MCTP1: variants seen among roughly 807,000 people sequenced by gnomAD.
MCTP1 encodes the protein multiple C2 and transmembrane domain containing 1.
A neutral mutation model predicts 120.6 loss-of-function variants in MCTP1; 69 were observed. The ratio of observed to expected loss-of-function variants is 0.57; its 90% confidence interval spans 0.47 to 0.70. The LOEUF is 0.70. Among genes scored for constraint, MCTP1 ranks in the 30% least tolerant of loss-of-function variants. The pLI is 0.00. For synonymous variants in MCTP1, 529 were observed against 493.1 expected (o/e 1.07, Z -0.96); for missense variants, 1,203 against 1,248.8 (o/e 0.96, Z 0.55).
At chr5:94,891,451 G>T (rs1405308252) in intron 11 of MCTP1, among the ~76,000 whole-genome samples, 1 of 152,140 alleles carries the variant, frequency 6.6e-6, no homozygotes, top group Admixed American at 6.6e-5. Context: ...TAATGATGGG[G>T]AATAGTTTTA....
intron 11 of MCTP1, among the ~76,000 whole-genome samples, chr5:94,889,311 G>A (rs1044612356): frequency 1.3e-5 from 2 of 152,024 alleles, no homozygotes; most frequent in Non-Finnish European, 2.9e-5. Context: ...AATTCAGGCC[G>A]GGAGCAGTGG....
intron 19 of MCTP1, among the ~76,000 whole-genome samples, chr5:94,754,958 T>C (rs1769409332): frequency 6.6e-6 from 1 of 152,188 alleles, no homozygotes; most frequent in Admixed American, 6.5e-5. Context: ...CAACTCATTC[T>C]GGGCTGCCAA....
intron 19 of MCTP1, among the ~76,000 whole-genome samples, chr5:94,723,959 GGAAA>G (rs1761522213): frequency 6.6e-6 from 1 of 151,948 alleles, no homozygotes; most frequent in South Asian, 2.1e-4. Flanking sequence ...AGGAAAACAC[GGAAA>G]GAGATACTCT....
intron 17 of MCTP1, among the ~76,000 whole-genome samples, chr5:94,848,792 A>G (rs1335614327): frequency 6.6e-6 from 1 of 151,958 alleles, no homozygotes; most frequent in Non-Finnish European, 1.5e-5. Context: ...ACAATTAAAT[A>G]ATTTATCTTA....
intron 7 of MCTP1, among the ~76,000 whole-genome samples, chr5:94,922,489 C>T (rs1013332773): frequency 6.7e-6 from 1 of 149,178 alleles, no homozygotes; most frequent in African/African-American, 2.5e-5. Context: ...CATGTATATT[C>T]CCCCCCTTTT....
intron 2 of MCTP1, among the ~76,000 whole-genome samples, chr5:95,011,585 T>C (rs1276062959): frequency 6.6e-6 from 1 of 151,546 alleles, no homozygotes; most frequent in East Asian, 2.0e-4. Context: ...GATCTGATGG[T>C]TTAAAAGTGT....
At chr5:94,742,786 T>G (rs1270289327) in intron 19 of MCTP1, among the ~76,000 whole-genome samples, 1 of 152,224 alleles carries the variant, frequency 6.6e-6, no homozygotes, top group African/African-American at 2.4e-5. Flanking sequence ...TGTTCCTTCA[T>G]GTCAGACTAA....
intron 10 of MCTP1, among the ~76,000 whole-genome samples, chr5:94,905,480 T>C (rs780870214): frequency 1.2e-4 from 19 of 152,220 alleles, no homozygotes; most frequent in Non-Finnish European, 2.5e-4. Flanking sequence ...CTGTTGCTAC[T>C]GTCCATATGA....
intron 10 of MCTP1, among the ~76,000 whole-genome samples, chr5:94,896,410 C>CT (rs982962316): frequency 9.4e-5 from 14 of 149,454 alleles, no homozygotes; most frequent in East Asian, 3.9e-4. Context: ...CTTTCACTCA[C>CT]TTTTTTTTTT....
chr5:95,030,695 G>A (rs534116540), intron 1 of MCTP1, among the ~76,000 whole-genome samples: 14 of 152,026 alleles, frequency 9.2e-5, no homozygotes, highest in African/African-American at 1.7e-4. Flanking sequence ...AAATGATGGC[G>A]AATTCAAAAA....
In MCTP1 at chr5:95,259,427, T is replaced by C. The variant is rs138485371; in HGVS notation, c.720+24429A>G. Among the ~76,000 whole-genome samples, 777 of 152,298 alleles carry C rather than the reference T, an allele frequency of 5.1e-3. 9 individuals are homozygous for C. The highest frequency in any genetic ancestry group is 0.018 in the African/African-American group (737 of 41,558). ...CTGCTGTGCTGGTGGCCAGATTCCA[T>C]ATAGCCCCCCACTTTGTCTGGAGGC... On this transcript the variant is annotated intron_variant, in intron 1 of 22. Transcript: ENST00000515393.
chr5:95,087,141 C>T (rs574905717), intron 1 of MCTP1, among the ~76,000 whole-genome samples: 1 of 152,314 alleles, frequency 6.6e-6, no homozygotes, highest in South Asian at 2.1e-4. Context: ...ATCCCACTTC[C>T]TTGAGGCTAT....
intron 2 of MCTP1, among the ~76,000 whole-genome samples, chr5:95,000,622 A>C (rs1378259531): frequency 6.6e-6 from 1 of 152,194 alleles, no homozygotes; most frequent in Non-Finnish European, 1.5e-5. Context: ...ATAAGGATAT[A>C]AAGGTAAAAT....
chr5:94,841,180 G>A (rs1051345727), intron 17 of MCTP1, among the ~76,000 whole-genome samples: 2 of 152,112 alleles, frequency 1.3e-5, no homozygotes, highest in African/African-American at 4.8e-5. Flanking sequence ...CCCAGGGAAC[G>A]GAAACAGGAA....
At chr5:95,242,789 G>A (rs896940379) in intron 1 of MCTP1, among the ~76,000 whole-genome samples, 1 of 152,186 alleles carries the variant, frequency 6.6e-6, no homozygotes, top group East Asian at 1.9e-4. Context: ...AAATTTTCTA[G>A]AGCCATCAAA....
At chr5:95,106,711 T>A (rs1212223532) in intron 1 of MCTP1, among the ~76,000 whole-genome samples, 1 of 152,216 alleles carries the variant, frequency 6.6e-6, no homozygotes. Context: ...AAAGCATAGT[T>A]GCTGACCTCC....
chr5:94,945,017 A>G (rs1485900751), intron 3 of MCTP1, among the ~76,000 whole-genome samples: 2 of 152,202 alleles, frequency 1.3e-5, no homozygotes, highest in Non-Finnish European at 2.9e-5. Flanking sequence ...CAAAGCTGAA[A>G]AAAACACATG....
chr5:94,899,818 T>C (rs528061055), intron 10 of MCTP1, among the ~76,000 whole-genome samples: 9 of 152,336 alleles, frequency 5.9e-5, no homozygotes, highest in African/African-American at 2.2e-4. Context: ...ATATATTTCC[T>C]TGCATTTCTT....
chr5:94,917,089 A>G (rs532925494), intron 8 of MCTP1, among the ~76,000 whole-genome samples: 1 of 152,338 alleles, frequency 6.6e-6, no homozygotes, highest in African/African-American at 2.4e-5. Context: ...ATAATTATGA[A>G]AAGCTGTGCT....
Sources: gnomAD v4.1 joint callset for allele counts (sites outside exome capture counted in the v4.1 genomes callset) on GRCh38, gnomAD v4.1.1 for gene constraint, MANE v1.5 for transcripts, NCBI Gene and HGNC (gene_info 2026-07-23, HGNC 2026-07-21) for gene names.